The following DCUN1D1 variants were observed in gnomAD, a reference collection of about 807,000 sequenced individuals.
DCUN1D1 encodes DCN1-like protein 1.
In DCUN1D1, 3 loss-of-function variants were observed where a neutral mutation model predicts 39.0. The observed-to-expected ratio is 0.08, with a 90% CI of 0.04 to 0.20. The LOEUF (loss-of-function observed/expected upper bound fraction) is 0.20. Ranked by LOEUF, DCUN1D1 falls within the 10% of genes least tolerant of loss-of-function variation. The pLI, the probability that DCUN1D1 is intolerant of heterozygous loss-of-function variation, is 1.00. For synonymous variants in DCUN1D1, 82 were observed against 96.3 expected, an observed-to-expected ratio of 0.85 and a Z score of 0.87; for missense variants, 158 against 302.4, an observed-to-expected ratio of 0.52 and a Z score of 3.54.
At chr3:182,973,834 A>G (rs925838933) in intron 1 of DCUN1D1, among the ~76,000 whole-genome samples, 1 of 151,990 alleles carries the variant, frequency 6.6e-6, no homozygotes, top group African/African-American at 2.4e-5. Context: ...TCAGAAGTAT[A>G]TCTGTAAGAT....
chr3:182,980,129 C>A (rs1360875643), intron 1 of DCUN1D1: 3 of 938,446 alleles, frequency 3.2e-6, no homozygotes, highest in East Asian at 1.2e-4. Context: ...GGCAGAGGGG[C>A]AGGGGCAAGG....
At chr3:182,946,781 G>A (rs964154781) in intron 6 of DCUN1D1, among the ~76,000 whole-genome samples, 2 of 151,998 alleles carry the variant, frequency 1.3e-5, no homozygotes, top group African/African-American at 4.8e-5. Flanking sequence ...ATATGGATTG[G>A]TAAATGTATG....
At chr3:182,964,635 CTTTTTT>C (rs951243180) in intron 2 of DCUN1D1, among the ~76,000 whole-genome samples, 3 of 107,478 alleles carry the variant, frequency 2.8e-5, no homozygotes, top group African/African-American at 7.5e-5. Context: ...TAACACCTTT[CTTTTTT>C]TTTTTTTTTT....
intron 1 of DCUN1D1, chr3:182,980,095 TC>T: frequency 2.1e-6 from 2 of 937,234 alleles, no homozygotes; most frequent in Non-Finnish European, 2.5e-6. Context: ...CAGACCCCAG[TC>T]CCCGACCAGA....
Position 182,961,356 on chromosome 3 carries a change from T to C in DCUN1D1, c.390A>G (p.Gly130=). Residue 130 remains glycine, a splice_region_variant and synonymous_variant, in exon 4 of 7, where the codon GGA becomes GGG. Transcript: ENST00000292782. ...QEFMDGMTEL[G]CDSIEKLKAQ... is the part of the protein sequence containing the mutation. ...CCTTTAGTTTTTCTATGCTGTCACATCTGCGTCGTAAAATTAAGTTTATAA... is the reference window on the plus strand; with the variant it reads ...CCTTTAGTTTTTCTATGCTGTCACACCTGCGTCGTAAAATTAAGTTTATAA... 1 of 1,584,610 alleles carries C rather than the reference T, an allele frequency of 6.3e-7. No homozygotes were observed. The highest frequency in any genetic ancestry group is 8.5e-7 in the Non-Finnish European group (1 of 1,171,050).
intron 1 of DCUN1D1, among the ~76,000 whole-genome samples, chr3:182,969,148 C>T (rs1432581869): frequency 2.0e-5 from 3 of 152,312 alleles, no homozygotes; most frequent in Middle Eastern, 6.8e-3. Context: ...TCTCTGTCAG[C>T]TCTCTGTTCC....
At chr3:182,946,424 G>A (rs1396828702) in intron 6 of DCUN1D1, among the ~76,000 whole-genome samples, 1 of 151,974 alleles carries the variant, frequency 6.6e-6, no homozygotes, top group Non-Finnish European at 1.5e-5. Context: ...GAACGTGGTG[G>A]CAGGCACCTG....
chr3:182,965,259 G>C (rs1006557711), intron 2 of DCUN1D1, among the ~76,000 whole-genome samples: 1 of 151,988 alleles, frequency 6.6e-6, no homozygotes, highest in East Asian at 1.9e-4. Flanking sequence ...CCTTAGACTG[G>C]TTCAGCTGAG....
At chr3:182,980,558 G>A (rs557576604), upstream of DCUN1D1, 4 of 1,196,840 alleles carry the variant, frequency 3.3e-6, no homozygotes, top group South Asian at 2.2e-5. Context: ...CGGCGGCGGC[G>A]GCTCCTCTCA....
At chr3:182,966,385 C>A (rs539978884) in intron 1 of DCUN1D1, among the ~76,000 whole-genome samples, 3 of 152,138 alleles carry the variant, frequency 2.0e-5, no homozygotes, top group Non-Finnish European at 4.4e-5. Context: ...AAATTATCAA[C>A]AAAATTTCCT....
At chr3:182,953,501 G>A (rs914434673) in intron 4 of DCUN1D1, among the ~76,000 whole-genome samples, 1 of 152,128 alleles carries the variant, frequency 6.6e-6, no homozygotes, top group East Asian at 1.9e-4. Context: ...TTGGGCAACT[G>A]GGCTGACTTC....
At chr3:182,973,108 G>A (rs866369073) in intron 1 of DCUN1D1, among the ~76,000 whole-genome samples, 2 of 152,126 alleles carry the variant, frequency 1.3e-5, no homozygotes, top group Admixed American at 1.3e-4. Context: ...AGGGAGGAAC[G>A]TTCCAAGACT....
At position 182,944,185 on chromosome 3, in the gene DCUN1D1, C is replaced by T. The variant is rs1726278098; in HGVS notation, c.*909G>A. 1 of 152,436 alleles carries T rather than the reference C, an allele frequency of 6.6e-6. No homozygotes were observed. 9.4% of individuals were successfully genotyped at this position (152,436 alleles called of 1,614,324 possible). On this transcript the variant is annotated 3_prime_UTR_variant, in exon 7 of 7. Coordinates refer to ENST00000292782, the MANE Select transcript of DCUN1D1 (RefSeq NM_020640.4). ...AAAACAAAACAAAAAAACCCTCATG[C>T]CTAAATTTAGAATATTGTATTGTGT...
At chr3:182,955,347 T>C in intron 4 of DCUN1D1, 3 of 543,706 alleles carry the variant, frequency 5.5e-6, no homozygotes, top group South Asian at 2.8e-5. Flanking sequence ...ACTTAGATTA[T>C]TTTCAATATT....
intron 2 of DCUN1D1, 62 bp downstream of exon 2, chr3:182,965,475 T>C: frequency 9.4e-7 from 1 of 1,061,678 alleles, no homozygotes. Context: ...TCATTTCTCA[T>C]AAGCCCATCT....
intron 1 of DCUN1D1, among the ~76,000 whole-genome samples, chr3:182,971,965 T>C (rs770413225): frequency 2.6e-5 from 4 of 152,116 alleles, no homozygotes; most frequent in African/African-American, 4.8e-5. Flanking sequence ...TGTGAACGAT[T>C]TGCATTCCAA....
At chr3:182,963,788 G>T in intron 3 of DCUN1D1, 93 bp downstream of exon 3, 3 of 1,098,408 alleles carry the variant, frequency 2.7e-6, no homozygotes, top group East Asian at 2.4e-5. Flanking sequence ...ATGTTTGTGG[G>T]CCAGCAAATC....
chr3:182,953,805 T>C (rs1174522111), intron 4 of DCUN1D1, among the ~76,000 whole-genome samples: 1 of 152,154 alleles, frequency 6.6e-6, no homozygotes, highest in Admixed American at 6.5e-5. Context: ...AGCTATTGCA[T>C]AAAATTGAGA....
At chr3:182,964,776 G>T (rs139070541) in intron 2 of DCUN1D1, among the ~76,000 whole-genome samples, 2,786 of 151,886 alleles carry the variant, frequency 0.018, 32 homozygotes, top group Non-Finnish European at 0.026. Flanking sequence ...GAGTAGCGGG[G>T]ACTACAGGCA....
Sources: gnomAD v4.1 joint callset for allele counts (sites outside exome capture counted in the v4.1 genomes callset) on GRCh38, gnomAD v4.1.1 for gene constraint, MANE v1.5 for transcripts, NCBI Gene and HGNC (gene_info 2026-07-23, HGNC 2026-07-21) for gene names.